The following METTL14 variants were observed in gnomAD, a reference collection of about 807,000 sequenced individuals.
METTL14 encodes N(6)-adenosine-methyltransferase non-catalytic subunit METTL14.
In METTL14, 32 loss-of-function variants were observed where a neutral mutation model predicts 62.4. The observed-to-expected ratio is 0.51, with a 90% CI of 0.39 to 0.69. The LOEUF is 0.69. Ranked by LOEUF, METTL14 falls within the 30% of genes least tolerant of loss-of-function variation. The pLI, the probability that METTL14 is intolerant of heterozygous loss-of-function variation, is 0.00. For synonymous variants in METTL14, 150 were observed against 180.0 expected (o/e 0.83, Z 1.34); for missense variants, 340 against 551.9 (o/e 0.62, Z 3.85).
rs1192682997 is a variant in METTL14 at position 118,685,497 on chromosome 4, G to A, written c.-38G>A. 2 of 1,601,652 alleles carry A rather than the reference G, an allele frequency of 1.2e-6. No individual in the cohort carries two copies. The highest frequency in any genetic ancestry group is 2.2e-5 in the South Asian group (2 of 90,834). On this transcript the variant is annotated 5_prime_UTR_variant, in exon 1 of 11. Coordinates refer to ENST00000388822, the MANE Select transcript of METTL14 (RefSeq NM_020961.4). ...GTTGGATAAGAGTTCACTGGAGATT[G>A]ACAAGTACTCGGGATAGTGAAAAGC...
chr4:118,696,117 CAAAAAAAAAAAAA>C (rs70941201), intron 6 of METTL14, among the ~76,000 whole-genome samples: 3 of 33,910 alleles, frequency 8.8e-5, no homozygotes, highest in Admixed American at 4.7e-4. Flanking sequence ...GACTCTGTCT[CAAAAAAAAAAAAA>C]AAAAAAAAAA....
At position 118,697,203 on chromosome 4, in the gene METTL14, A is replaced by C; in HGVS notation, c.525A>C (p.Glu175Asp). Residue 175 changes from glutamate to aspartate, a missense_variant, in exon 7 of 11, where the codon GAA becomes GAC. Glu to Asp is a conservative substitution (Grantham distance 45). Around this residue, in one of 7 missense-constraint regions of METTL14, gnomAD observed 41 missense variants for 44.0 expected, o/e 0.93. Coordinates refer to ENST00000388822, the MANE Select transcript of METTL14 (RefSeq NM_020961.4). ...ATAGGTACTTACAAGCCGATATAGA[A>C]GCCTTTGACATCAGAGAACTAACAC... ...TPPMYLQADI[E>D]AFDIRELTPK... is the part of the protein sequence containing the mutation. The C allele has an allele frequency of 6.2e-7, 1 of 1,608,082 alleles. No individual in the cohort carries two copies. The highest frequency in any genetic ancestry group is 8.5e-7 in the Non-Finnish European group (1 of 1,178,214).
chr4:118,700,743 T>G, intron 8 of METTL14, 101 bp downstream of exon 8: 1 of 768,156 alleles, frequency 1.3e-6, no homozygotes, highest in East Asian at 2.8e-5. Context: ...TTTTGTCCTT[T>G]GTTTCTTAAA....
At chr4:118,686,987 G>A (rs924256154) in intron 1 of METTL14, among the ~76,000 whole-genome samples, 1 of 152,194 alleles carries the variant, frequency 6.6e-6, no homozygotes, top group Admixed American at 6.5e-5. Flanking sequence ...TCAGCCTTGT[G>A]TCTATAAATA....
chr4:118,695,557 C>T (rs1724383143), intron 6 of METTL14, among the ~76,000 whole-genome samples: 1 of 151,996 alleles, frequency 6.6e-6, no homozygotes, highest in Non-Finnish European at 1.5e-5. Context: ...TTCTTGATAG[C>T]TTACTTAAAA....
In METTL14 at chr4:118,710,247, G is replaced by A; in HGVS notation, c.1316G>A (p.Gly439Asp). The A allele has an allele frequency of 6.2e-7, 1 of 1,614,192 alleles. No individual in the cohort carries two copies. The highest frequency in any genetic ancestry group is 8.5e-7 in the Non-Finnish European group (1 of 1,180,030). ...RNRSNFRGER[G>D]GFRGGRGGAH... The stretch of plus-strand genomic sequence containing the variant: ...AGATCTAACTTCCGAGGAGAAAGAG[G>A]TGGCTTTAGAGGGGGCCGTGGAGGA... The change falls in exon 11 of 11, where the codon GGT (glycine) becomes GAT (aspartate). Residue 439 changes from glycine to aspartate, a missense_variant. Physicochemically the swap from Gly to Asp is moderately conservative, Grantham distance 94. Transcript: ENST00000388822.
rs1199556161 is a variant in METTL14 at position 118,714,309 on chromosome 4, T to C, written c.*4007T>C. On this transcript the variant is annotated 3_prime_UTR_variant, in exon 11 of 11. Transcript: ENST00000388822. ...CTAAGAAAAGCAGAGCAGAGCAGCA[T>C]AGAGTGCGTTAGTAAATGGCCACTG... The C allele has an allele frequency of 1.3e-5, 2 of 152,184 alleles. No individual in the cohort carries two copies. The highest frequency in any genetic ancestry group is 2.9e-5 in the Non-Finnish European group (2 of 68,028). 9.4% of individuals were successfully genotyped at this position (152,184 alleles called of 1,614,324 possible). A position where few individuals can be genotyped will look rare whatever the true frequency, so the allele number is the denominator to read the frequency against.
In METTL14 at chr4:118,707,917, C is replaced by G. The variant is rs557707131; in HGVS notation, c.1067-2081C>G. Among the ~76,000 whole-genome samples, 159 of 151,640 alleles carry G rather than the reference C, an allele frequency of 1.0e-3. 2 individuals carry two copies. The South Asian group carries it at 0.03, about 29-fold the overall frequency. On this transcript the variant is annotated intron_variant, in intron 10 of 10. Transcript: ENST00000388822. ...GGCACGATCTTGGCTCACTGCAACC[C>G]CCGCCTCCCAGGTTCAAGTGATTCA...
intron 9 of METTL14, among the ~76,000 whole-genome samples, chr4:118,704,931 G>T (rs1388528678): frequency 6.6e-6 from 1 of 152,132 alleles, no homozygotes; most frequent in Non-Finnish European, 1.5e-5. Context: ...GCATTCATGT[G>T]GTTCTCAGCC....
At chr4:118,688,337 T>A (rs547424009) in intron 2 of METTL14, among the ~76,000 whole-genome samples, 1 of 152,132 alleles carries the variant, frequency 6.6e-6, no homozygotes, top group East Asian at 1.9e-4. Flanking sequence ...CTCGGGAGCC[T>A]TAGGCAGTAG....
In METTL14 at chr4:118,705,887, G is replaced by A. The variant is rs140005205; in HGVS notation, c.1066+66G>A. The A allele has an allele frequency of 4.1e-4, 506 of 1,228,152 alleles. 4 individuals carry two copies. The East Asian group carries it at 0.01, about 25-fold the overall frequency. 76.1% of individuals were successfully genotyped at this position (1,228,152 alleles called of 1,614,324 possible). A position where few individuals can be genotyped will look rare whatever the true frequency, so the allele number is the denominator to read the frequency against. On this transcript the variant is annotated intron_variant, in intron 10 of 10. Transcript: ENST00000388822. ...TTATGCATGTCAAGAAATAGGACATGGTGCTGTGTAAAATAAAGTTCTTAT... is the reference window on the plus strand; with the variant it reads ...TTATGCATGTCAAGAAATAGGACATAGTGCTGTGTAAAATAAAGTTCTTAT...
intron 6 of METTL14, among the ~76,000 whole-genome samples, chr4:118,695,206 A>G (rs1225596461): frequency 1.3e-5 from 2 of 152,012 alleles, no homozygotes; most frequent in Non-Finnish European, 2.9e-5. Flanking sequence ...GTTTTTTTTC[A>G]GCTTTTCAGA....
intron 1 of METTL14, among the ~76,000 whole-genome samples, chr4:118,687,342 G>A (rs964454532): frequency 1.3e-5 from 2 of 152,108 alleles, no homozygotes; most frequent in Admixed American, 6.5e-5. Context: ...ATTTTGGAGC[G>A]TTTTGGATTT....
chr4:118,694,597 C>G, intron 6 of METTL14, 71 bp downstream of exon 6: 1 of 1,118,336 alleles, frequency 8.9e-7, no homozygotes, highest in East Asian at 2.4e-5. Context: ...TATCCTATAA[C>G]CTTTTTTCTT....
Position 118,713,103 on chromosome 4 carries a change from G to A in METTL14, c.*2801G>A, listed in dbSNP as rs922588017. Reference sequence around the variant, plus strand: ...CCTGGGAAGTGAGAATCAAGCAGGAGTGTGGCATGGCAACCAACTCACAGA... The same window carrying A: ...CCTGGGAAGTGAGAATCAAGCAGGAATGTGGCATGGCAACCAACTCACAGA... On this transcript the variant is annotated 3_prime_UTR_variant, in exon 11 of 11. Coordinates refer to ENST00000388822, the MANE Select transcript of METTL14 (RefSeq NM_020961.4). The A allele has an allele frequency of 1.3e-5, 2 of 152,162 alleles. No homozygotes were observed. The highest frequency in any genetic ancestry group is 2.4e-5 in the African/African-American group (1 of 41,414). The allele number at this position is 152,162 out of a possible 1,614,324, so 9.4% of individuals were successfully genotyped here. A position where few individuals can be genotyped will look rare whatever the true frequency, so the allele number is the denominator to read the frequency against.
chr4:118,701,183 G>GTTTTTTTTTT lies in METTL14; in HGVS notation c.738+550_738+551insTTTTTTTTTT, dbSNP rs373953605. On this transcript the variant is annotated intron_variant, in intron 8 of 10. Transcript: ENST00000388822. ...TATTTTTTTATTGGAGTTTTTTTTTGTTTTTTTTTGTTTTTTTGAGACAAG... is the reference window on the plus strand; with the variant it reads ...TATTTTTTTATTGGAGTTTTTTTTTGTTTTTTTTTTTTTTTTTTTGTTTTTTTGAGACAAG... Among the ~76,000 whole-genome samples, 7 of 132,250 alleles carry GTTTTTTTTTT rather than the reference G, an allele frequency of 5.3e-5. 1 individual carries two copies. The highest frequency in any genetic ancestry group is 6.6e-5 in the Non-Finnish European group (4 of 60,504). The allele number at this position is 132,250 out of a possible 152,430, so 86.8% of individuals were successfully genotyped here. A position where few individuals can be genotyped will look rare whatever the true frequency, so the allele number is the denominator to read the frequency against.
At chr4:118,696,543 A>G (rs543855247) in intron 6 of METTL14, among the ~76,000 whole-genome samples, 3 of 151,910 alleles carry the variant, frequency 2.0e-5, no homozygotes, top group Admixed American at 1.3e-4. Context: ...CCTTGTCTCA[A>G]ACAAACAAAC....
intron 9 of METTL14, among the ~76,000 whole-genome samples, chr4:118,704,470 G>A (rs1333035510): frequency 6.6e-6 from 1 of 152,058 alleles, no homozygotes; most frequent in Admixed American, 6.6e-5. Flanking sequence ...TTGTGACTCT[G>A]CCCTGCTAGT....
Position 118,709,999 on chromosome 4 carries a change from C to T in METTL14, c.1068C>T (p.Gly356=). The T allele has an allele frequency of 4.4e-6, 7 of 1,587,012 alleles. No individual in the cohort carries two copies. The highest frequency in any genetic ancestry group is 6.0e-6 in the Non-Finnish European group (7 of 1,167,858). The part of the protein sequence containing the change: ...LFGRDSTIRP[G]WLTVGPTLTN... ...TAATCTTTTTTTCCTCCATTTCAGG[C>T]TGGCTCACAGTTGGACCAACGCTTA... The change falls in exon 11 of 11, where the codon GGC becomes GGT. Residue 356 remains glycine, a splice_region_variant and synonymous_variant. Transcript: ENST00000388822.
Sources: gnomAD v4.1 joint callset for allele counts (sites outside exome capture counted in the v4.1 genomes callset) on GRCh38, gnomAD v4.1.1 for gene constraint, gnomAD v4.1.1 regional missense constraint, MANE v1.5 for transcripts, NCBI Gene and HGNC (gene_info 2026-07-23, HGNC 2026-07-21) for gene names.